NPAS3: variants seen among roughly 807,000 people sequenced by gnomAD.
The protein encoded by NPAS3 is neuronal PAS domain protein 3.
Under a neutral mutation model 73.1 loss-of-function variants are expected in NPAS3, and 14 were observed. The observed-to-expected ratio is 0.19, with a 90% CI of 0.13 to 0.30. NPAS3 has a LOEUF of 0.30. Among genes scored for constraint, NPAS3 ranks in the 10% least tolerant of loss-of-function variants. The pLI is 1.00. For synonymous variants in NPAS3, 620 were observed against 541.5 expected, an observed-to-expected ratio of 1.14 and a Z score of -2.01; for missense variants, 1,096 against 1,250.0, an observed-to-expected ratio of 0.88 and a Z score of 1.86.
chr14:33,398,852 CTATT>C (rs1320945943), intron 4 of NPAS3, among the ~76,000 whole-genome samples: 3 of 152,018 alleles, frequency 2.0e-5, no homozygotes, highest in Non-Finnish European at 1.5e-5. Context: ...CATAAACTCT[CTATT>C]TGAGTACAAA....
chr14:33,652,322 C>T (rs1463617339), intron 5 of NPAS3, among the ~76,000 whole-genome samples: 1 of 152,172 alleles, frequency 6.6e-6, no homozygotes, highest in Non-Finnish European at 1.5e-5. Flanking sequence ...CACCTTTTCA[C>T]CTTTGAAACC....
intron 2 of NPAS3, among the ~76,000 whole-genome samples, chr14:33,126,555 G>T (rs896949160): frequency 6.6e-6 from 1 of 152,136 alleles, no homozygotes; most frequent in Non-Finnish European, 1.5e-5. Flanking sequence ...ACCACAGAAG[G>T]ATTTCCCAGA....
intron 5 of NPAS3, among the ~76,000 whole-genome samples, chr14:33,667,052 G>A (rs2059471353): frequency 1.3e-5 from 2 of 152,144 alleles, no homozygotes; most frequent in Admixed American, 1.3e-4. Flanking sequence ...TCAATGATTA[G>A]CTATTTTTAT....
rs2046429860 is a variant in NPAS3 at position 33,379,116 on chromosome 14, A to G, written c.468+11848A>G. ...TCCTCAGGTTGTAAGTATAAGGTAT[A>G]TGTGAAATATAAATGAATTTTATGT... On this transcript the variant is annotated intron_variant, in intron 4 of 11. Coordinates refer to ENST00000356141, the Ensembl canonical transcript of NPAS3. 2.0e-5 allele frequency among the ~76,000 whole-genome samples: 3 copies of G among 152,172 alleles called. No individual in the cohort carries two copies. In the South Asian group the frequency reaches 6.2e-4, roughly 32 times the overall value.
intron 5 of NPAS3, among the ~76,000 whole-genome samples, chr14:33,627,978 T>G (rs1417944335): frequency 5.3e-5 from 8 of 152,334 alleles, no homozygotes; most frequent in African/African-American, 1.9e-4. Context: ...GCAAACATGG[T>G]GAACAAAATT....
chr14:33,334,485 GTCT>G lies in NPAS3; in HGVS notation c.386-32697_386-32695del, dbSNP rs2044125630. Among the ~76,000 whole-genome samples the G allele has an allele frequency of 2.0e-5, 3 of 152,108 alleles. No individual in the cohort carries two copies. The South Asian group carries it at 6.2e-4, about 31-fold the overall frequency. ...TGTAAGTGTAATCTTATAAGATGTA[GTCT>G]TCTGTGCTTGACTGCTTTTACTTAG... is the stretch of plus-strand genomic sequence containing the variant. On this transcript the variant is annotated intron_variant, in intron 3 of 11. Coordinates refer to ENST00000356141, the Ensembl canonical transcript of NPAS3.
intron 3 of NPAS3, among the ~76,000 whole-genome samples, chr14:33,246,430 T>C (rs896497236): frequency 4.0e-5 from 6 of 149,764 alleles, no homozygotes; most frequent in African/African-American, 1.5e-4. Flanking sequence ...TCCCAGCTAC[T>C]TGGGAGGCTG....
chr14:33,529,964 A>G (rs1017090279), intron 4 of NPAS3, among the ~76,000 whole-genome samples: 2 of 152,166 alleles, frequency 1.3e-5, no homozygotes, highest in Non-Finnish European at 2.9e-5. Context: ...GATTCCAGGG[A>G]TGCGCCAGGC....
At chr14:33,633,892 T>A (rs1049495372) in intron 5 of NPAS3, among the ~76,000 whole-genome samples, 3 of 152,090 alleles carry the variant, frequency 2.0e-5, no homozygotes, top group African/African-American at 7.2e-5. Flanking sequence ...GGTAGGAGGA[T>A]CATTTGATCC....
At chr14:33,653,970 A>G (rs1245847673) in intron 5 of NPAS3, among the ~76,000 whole-genome samples, 1 of 152,178 alleles carries the variant, frequency 6.6e-6, no homozygotes, top group Non-Finnish European at 1.5e-5. Flanking sequence ...CAAAAGAGAA[A>G]GTCTCCCCAC....
chr14:33,489,578 G>A (rs2051789953), intron 4 of NPAS3, among the ~76,000 whole-genome samples: 1 of 152,096 alleles, frequency 6.6e-6, no homozygotes, highest in South Asian at 2.1e-4. Flanking sequence ...AACTTGTATT[G>A]TAATATTTAG....
At position 33,165,754 on chromosome 14, in the gene NPAS3, C is replaced by T. The variant is rs527385475; in HGVS notation, c.141-49428C>T. Among the ~76,000 whole-genome samples the T allele has an allele frequency of 6.0e-4, 91 of 151,530 alleles. 1 individual carries two copies. The highest frequency in any genetic ancestry group is 2.0e-3 in the African/African-American group (81 of 41,288). On this transcript the variant is annotated intron_variant, in intron 2 of 11. Coordinates refer to ENST00000356141, the Ensembl canonical transcript of NPAS3. The stretch of plus-strand genomic sequence containing the variant: ...AGGTACATTTTGAAAGAATGTGCAC[C>T]ATTTACCCCACTTCCTCCTTCCCCC...
chr14:33,472,954 C>T lies in NPAS3; in HGVS notation c.469-87167C>T, dbSNP rs536066164. Among the ~76,000 whole-genome samples, 30 of 149,104 alleles carry T rather than the reference C, an allele frequency of 2.0e-4. 2 individuals carry two copies. Among genetic ancestry groups the T allele is most frequent in the East Asian group, 1.7e-3 (9 of 5,172 alleles). ...AAACCATTTAAAAAGCAAAAACAGC[C>T]GAAACCCAATCAAACAGTAGTGGAT... On this transcript the variant is annotated intron_variant, in intron 4 of 11. Transcript: ENST00000356141.
intron 2 of NPAS3, among the ~76,000 whole-genome samples, chr14:33,070,589 G>A (rs545438218): frequency 1.5e-4 from 23 of 152,268 alleles, no homozygotes; most frequent in East Asian, 9.7e-4. Flanking sequence ...GATTAACTTT[G>A]TGGATCATTG....
chr14:33,439,382 T>C (rs905992313), intron 4 of NPAS3, among the ~76,000 whole-genome samples: 4 of 152,230 alleles, frequency 2.6e-5, no homozygotes, highest in Non-Finnish European at 5.9e-5. Context: ...TTGAAATTCA[T>C]TGTAGTAAAC....
At position 33,334,179 on chromosome 14, in the gene NPAS3, A is replaced by G. The variant is rs1231410376; in HGVS notation, c.386-33007A>G. 2.0e-5 allele frequency among the ~76,000 whole-genome samples: 3 copies of G among 152,144 alleles called. No homozygotes were observed. In the East Asian group the frequency reaches 5.8e-4, roughly 29 times the overall value. Reference sequence around the variant, plus strand: ...ATCCTACTGTTATGTTCATATTTATAATAGTGTTTTATTATGACCTCTTTT... The same window carrying G: ...ATCCTACTGTTATGTTCATATTTATGATAGTGTTTTATTATGACCTCTTTT... On this transcript the variant is annotated intron_variant, in intron 3 of 11. Transcript: ENST00000356141.
intron 6 of NPAS3, among the ~76,000 whole-genome samples, chr14:33,720,548 G>C (rs967188612): frequency 3.3e-5 from 5 of 152,170 alleles, no homozygotes; most frequent in African/African-American, 1.2e-4. Context: ...CCTTTCTCAA[G>C]CACATTACTG....
At chr14:33,650,033 G>A (rs1280282059) in intron 5 of NPAS3, among the ~76,000 whole-genome samples, 2 of 152,208 alleles carry the variant, frequency 1.3e-5, no homozygotes, top group African/African-American at 4.8e-5. Context: ...AGATTCCCTG[G>A]CCCCGTCCCA....
intron 1 of NPAS3, among the ~76,000 whole-genome samples, chr14:33,050,391 C>A (rs74041771): frequency 8.5e-5 from 13 of 152,190 alleles, no homozygotes; most frequent in Non-Finnish European, 1.2e-4. Flanking sequence ...TGAGGCCCAG[C>A]AGTCTTCCCT....
Sources: gnomAD v4.1 joint callset for allele counts (sites outside exome capture counted in the v4.1 genomes callset) on GRCh38, gnomAD v4.1.1 for gene constraint, MANE v1.5 for transcripts, NCBI Gene and HGNC (gene_info 2026-07-23, HGNC 2026-07-21) for gene names.